Variants in CFAP61 observed in about 807,000 individuals in gnomAD.
CFAP61 encodes the protein cilia and flagella associated protein 61.
CFAP61 carries 107 observed loss-of-function variants against 135.6 expected under a neutral mutation model. That is an observed-to-expected ratio of 0.79 (90% confidence interval 0.67 to 0.93). The LOEUF (loss-of-function observed/expected upper bound fraction) is 0.93, where lower values mean the gene tolerates loss of function less well. Among genes scored for constraint, CFAP61 ranks in the 40% least tolerant of loss-of-function variants. CFAP61 has a pLI of 0.00. For missense variants in CFAP61, 1,507 were observed against 1,556.2 expected, an observed-to-expected ratio of 0.97 and a Z score of 0.53; for synonymous variants, 575 against 578.5, an observed-to-expected ratio of 0.99 and a Z score of 0.09.
intron 2 of CFAP61, among the ~76,000 whole-genome samples, chr20:20,060,078 A>G (rs375610030): frequency 4.6e-3 from 42 of 9,112 alleles, no homozygotes; most frequent in East Asian, 0.2. Flanking sequence ...ACAGAGGGGG[A>G]AAAAAAAAAA....
At chr20:20,067,655 A>ATG (rs1368441292) in intron 2 of CFAP61, among the ~76,000 whole-genome samples, 2 of 140,738 alleles carry the variant, frequency 1.4e-5, no homozygotes, top group Middle Eastern at 3.7e-3. Flanking sequence ...ATATATATAT[A>ATG]TATATATAAT....
chr20:20,094,893 C>T (rs920172405), intron 7 of CFAP61, among the ~76,000 whole-genome samples: 9 of 152,134 alleles, frequency 5.9e-5, no homozygotes, highest in African/African-American at 1.9e-4. Context: ...ACCCTTTTTC[C>T]TGCCTCCCTA....
chr20:20,242,734 T>C lies in CFAP61; in HGVS notation c.2061-3383T>C, dbSNP rs1042840163. Among the ~76,000 whole-genome samples the C allele has an allele frequency of 4.6e-5, 7 of 152,324 alleles. No homozygotes were observed. In the South Asian group the frequency reaches 1.5e-3, roughly 32 times the overall value. ...TGGGCTCTGGAAAGCCTGATGCAAA[T>C]ATAAAGCAGTTTTGCTCTTAAAAAG... is the stretch of plus-strand genomic sequence containing the variant. On this transcript the variant is annotated intron_variant, in intron 18 of 26. Coordinates refer to ENST00000245957, the MANE Select transcript of CFAP61 (RefSeq NM_015585.4).
intron 21 of CFAP61, among the ~76,000 whole-genome samples, chr20:20,273,293 A>G (rs1188467950): frequency 2.0e-5 from 3 of 152,150 alleles, no homozygotes; most frequent in African/African-American, 2.4e-5. Context: ...GTAGGCACAC[A>G]CAATTTTGGT....
rs190421314 is a variant in CFAP61 at position 20,266,567 on chromosome 20, C to T, written c.2503+3437C>T. Reference sequence around the variant, plus strand: ...GAGTTTTATCAAAACTTTTTGCATTCGGCCTACCTGGAAATAGATGGTCAA... The same window carrying T: ...GAGTTTTATCAAAACTTTTTGCATTTGGCCTACCTGGAAATAGATGGTCAA... On this transcript the variant is annotated intron_variant, in intron 21 of 26. Coordinates refer to ENST00000245957, the MANE Select transcript of CFAP61 (RefSeq NM_015585.4). 2.3e-3 allele frequency among the ~76,000 whole-genome samples: 353 copies of T among 152,248 alleles called. 2 individuals are homozygous for T. Among genetic ancestry groups the T allele is most frequent in the African/African-American group, 8.2e-3 (340 of 41,524 alleles).
chr20:20,092,152 A>G (rs2047246794), intron 7 of CFAP61, among the ~76,000 whole-genome samples: 1 of 152,220 alleles, frequency 6.6e-6, no homozygotes, highest in South Asian at 2.1e-4. Flanking sequence ...TTTATCTTCC[A>G]TGACAATTAC....
intron 13 of CFAP61, among the ~76,000 whole-genome samples, chr20:20,174,990 C>T (rs919703776): frequency 3.9e-5 from 6 of 152,170 alleles, no homozygotes; most frequent in African/African-American, 1.4e-4. Context: ...CAGTCAGTCC[C>T]CTGCACCTGC....
chr20:20,248,314 AC>A (rs1021404817), intron 19 of CFAP61, among the ~76,000 whole-genome samples: 7 of 152,232 alleles, frequency 4.6e-5, no homozygotes, highest in African/African-American at 1.4e-4. Flanking sequence ...GGTCCTCATA[AC>A]CCCAATAAAG....
intron 25 of CFAP61, among the ~76,000 whole-genome samples, chr20:20,339,451 A>G (rs867288722): frequency 2.0e-5 from 3 of 151,806 alleles, no homozygotes; most frequent in Non-Finnish European, 4.4e-5. Flanking sequence ...GGAGGTCTAA[A>G]ACTTTTATTT....
At chr20:20,254,538 AT>A (rs2051358954) in intron 20 of CFAP61, among the ~76,000 whole-genome samples, 1 of 152,064 alleles carries the variant, frequency 6.6e-6, no homozygotes, top group Non-Finnish European at 1.5e-5. Flanking sequence ...AAAAAATGAA[AT>A]GAAGAAGTGA....
At chr20:20,266,088 T>A (rs2052717137) in intron 21 of CFAP61, among the ~76,000 whole-genome samples, 1 of 152,212 alleles carries the variant, frequency 6.6e-6, no homozygotes, top group Non-Finnish European at 1.5e-5. Flanking sequence ...AGAGGAGGCC[T>A]CGAGGTAGAG....
chr20:20,226,691 A>G (rs1445070474), intron 17 of CFAP61, among the ~76,000 whole-genome samples: 1 of 152,182 alleles, frequency 6.6e-6, no homozygotes, highest in Non-Finnish European at 1.5e-5. Flanking sequence ...ACCACGTGCC[A>G]TCTAGAAAAC....
At chr20:20,143,076 C>T in intron 9 of CFAP61, 128 bp downstream of exon 9, 1 of 611,256 alleles carries the variant, frequency 1.6e-6, no homozygotes, top group Non-Finnish European at 2.9e-6. Flanking sequence ...GAAAAGGCCT[C>T]ACTAGCAGTA....
intron 9 of CFAP61, among the ~76,000 whole-genome samples, chr20:20,144,209 T>A (rs566598860): frequency 1.4e-4 from 22 of 152,284 alleles, no homozygotes; most frequent in African/African-American, 4.8e-4. Flanking sequence ...AATAAAGAAT[T>A]ACCAGCACTC....
At chr20:20,178,663 T>G (rs1413101705) in intron 13 of CFAP61, among the ~76,000 whole-genome samples, 2 of 89,732 alleles carry the variant, frequency 2.2e-5, no homozygotes, top group Admixed American at 2.3e-4. Flanking sequence ...TAGCTAGTTG[T>G]CCTTTAATCG....
intron 22 of CFAP61, among the ~76,000 whole-genome samples, chr20:20,285,191 G>T (rs1298974652): frequency 6.6e-6 from 1 of 151,354 alleles, no homozygotes; most frequent in Non-Finnish European, 1.5e-5. Context: ...TTTTCCATTG[G>T]CTGCTTTCAA....
chr20:20,238,005 G>C (rs148728052), intron 18 of CFAP61, among the ~76,000 whole-genome samples: 1 of 152,052 alleles, frequency 6.6e-6, no homozygotes, highest in Admixed American at 6.5e-5. Context: ...TTTTCACCTC[G>C]TGTATATTTA....
intron 6 of CFAP61, among the ~76,000 whole-genome samples, chr20:20,076,343 C>T (rs1444304907): frequency 2.0e-5 from 3 of 152,152 alleles, no homozygotes; most frequent in African/African-American, 7.2e-5. Flanking sequence ...GCCACATGTT[C>T]GCAAGGGGAG....
chr20:20,255,220 G>A (rs914068763), intron 20 of CFAP61, among the ~76,000 whole-genome samples: 5 of 152,138 alleles, frequency 3.3e-5, no homozygotes, highest in African/African-American at 1.2e-4. Context: ...CTCTGGTTTT[G>A]AAAACCCCTC....
Sources: allele counts gnomAD v4.1 joint callset (sites outside exome capture counted in the v4.1 genomes callset), GRCh38; gene constraint gnomAD v4.1.1; transcripts MANE v1.5; gene names NCBI Gene and HGNC (gene_info 2026-07-23, HGNC 2026-07-21).